Variants in FKBP5 observed in about 807,000 individuals in gnomAD.
The protein encoded by FKBP5 is FKBP prolyl isomerase 5, also known as peptidyl-prolyl cis-trans isomerase FKBP5.
FKBP5 carries 23 observed loss-of-function variants against 50.5 expected under a neutral mutation model. The ratio of observed to expected loss-of-function variants is 0.46; its 90% confidence interval spans 0.33 to 0.65. The LOEUF is 0.65. Among genes scored for constraint, FKBP5 ranks in the 30% least tolerant of loss-of-function variants. The pLI, the probability that FKBP5 is intolerant of heterozygous loss-of-function variation, is 0.02. For synonymous variants in FKBP5, 176 were observed against 190.6 expected (o/e 0.92, Z 0.63); for missense variants, 411 against 553.1 (o/e 0.74, Z 2.58).
At chr6:35,580,345 T>C (rs1762385810) in intron 8 of FKBP5, 124 bp from the exon 9 acceptor site, 3 of 772,176 alleles carry the variant, frequency 3.9e-6, no homozygotes, top group Non-Finnish European at 6.4e-6. Flanking sequence ...TCTTTCCTTC[T>C]GGAGATGGCT....
At chr6:35,682,785 G>A (rs1765704688) in intron 1 of FKBP5, among the ~76,000 whole-genome samples, 1 of 151,842 alleles carries the variant, frequency 6.6e-6, no homozygotes, top group Non-Finnish European at 1.5e-5. Context: ...GCTTGGGCCT[G>A]GGATCCCAGC....
rs767195179 is a variant in FKBP5 at position 35,661,770 on chromosome 6, CAA to C, written c.-19-18929_-19-18928del. 5.1e-4 allele frequency among the ~76,000 whole-genome samples: 17 copies of C among 33,278 alleles called. 2 individuals are homozygous for C. In the East Asian group the frequency reaches 6.2e-3, roughly 12 times the overall value. The allele number at this position is 33,278 out of a possible 152,430, so 21.8% of individuals were successfully genotyped here. A position where few individuals can be genotyped will look rare whatever the true frequency, so the allele number is the denominator to read the frequency against. ...GGGTGACAAGAGCAAAACTCCGTCT[CAA>C]AAAAAAAAAAAAAAAGAGTATGGCT... On this transcript the variant is annotated intron_variant, in intron 1 of 10. Transcript: ENST00000357266.
chr6:35,728,351 C>G (rs1766767446), intron 1 of FKBP5, among the ~76,000 whole-genome samples: 1 of 152,168 alleles, frequency 6.6e-6, no homozygotes, highest in African/African-American at 2.4e-5. Context: ...TTGCGCATCC[C>G]TCTGCCTTCT....
rs143605801 is a variant in FKBP5, at chr6:35,642,801, C to T, written c.24G>A (p.Lys8=). Residue 8 remains lysine (K), a synonymous_variant, in exon 2 of 11, where the codon AAG becomes AAA. Transcript: ENST00000357266. MTTDEGA[K]NNEESPTATV... is the part of the protein sequence containing the mutation. Reference sequence around the variant, plus strand: ...TGGCTGTGGGGCTTTCTTCATTGTTCTTGGCACCTTCATCAGTAGTCATTG... The same window carrying T: ...TGGCTGTGGGGCTTTCTTCATTGTTTTTGGCACCTTCATCAGTAGTCATTG... 60 of 1,613,734 alleles carry T rather than the reference C, an allele frequency of 3.7e-5. No individual in the cohort carries two copies. In the African/African-American group the frequency reaches 6.8e-4, roughly 18 times the overall value.
chr6:35,704,822 A>G (rs1249548702), intron 2 of FKBP5, among the ~76,000 whole-genome samples: 2 of 152,086 alleles, frequency 1.3e-5, no homozygotes, highest in Admixed American at 6.6e-5. Flanking sequence ...AGATGATAAC[A>G]TAGTACAAAA....
At chr6:35,580,516 ATTC>A (rs1034669046) in intron 8 of FKBP5, 6 of 165,798 alleles carry the variant, frequency 3.6e-5, no homozygotes, top group African/African-American at 6.0e-5. Flanking sequence ...TGGTGCTAAT[ATTC>A]TTTAGTCTTT....
intron 5 of FKBP5, among the ~76,000 whole-genome samples, chr6:35,599,135 A>G (rs1315206585): frequency 6.6e-6 from 1 of 152,158 alleles, no homozygotes; most frequent in South Asian, 2.1e-4. Flanking sequence ...CAACTTGTAG[A>G]GAGACTAAAA....
At chr6:35,686,071 C>T (rs1433264687) in intron 1 of FKBP5, among the ~76,000 whole-genome samples, 1 of 151,400 alleles carries the variant, frequency 6.6e-6, no homozygotes, top group East Asian at 1.9e-4. Flanking sequence ...AATGTAAGCC[C>T]TTGTTTTCTG....
intron 8 of FKBP5, chr6:35,583,199 C>CGAAAT: frequency 2.0e-6 from 2 of 985,366 alleles, no homozygotes; most frequent in Non-Finnish European, 2.4e-6. Flanking sequence ...ACAGGCATTT[C>CGAAAT]CCCTGTCATG....
chr6:35,603,608 T>C (rs1763212417), intron 5 of FKBP5, among the ~76,000 whole-genome samples: 1 of 148,274 alleles, frequency 6.7e-6, no homozygotes, highest in African/African-American at 2.5e-5. Flanking sequence ...TTTTTAATAC[T>C]ATTCTAAAAT....
upstream of FKBP5, among the ~76,000 whole-genome samples, chr6:35,690,271 C>T (rs1309381474): frequency 3.9e-5 from 6 of 152,204 alleles, no homozygotes; most frequent in African/African-American, 7.2e-5. Context: ...GAGTTCGAGA[C>T]GAGCCTGACC....
At chr6:35,605,486 C>T (rs1763284658) in intron 5 of FKBP5, among the ~76,000 whole-genome samples, 1 of 143,156 alleles carries the variant, frequency 7.0e-6, no homozygotes, top group Non-Finnish European at 1.5e-5. Flanking sequence ...GCCTGTATCA[C>T]CCAGGCTCAA....
At chr6:35,665,906 A>G (rs905260846) in intron 1 of FKBP5, among the ~76,000 whole-genome samples, 14 of 152,220 alleles carry the variant, frequency 9.2e-5, no homozygotes, top group Non-Finnish European at 1.5e-5. Flanking sequence ...CATTCAACAC[A>G]TTATAAAATA....
At chr6:35,720,199 T>A (rs987915424) in intron 2 of FKBP5, 20 of 152,342 alleles carry the variant, frequency 1.3e-4, no homozygotes, top group African/African-American at 4.1e-4. Context: ...GCATGTGTGG[T>A]GACAGGGCCT....
At chr6:35,673,400 A>G (rs1203334110) in intron 1 of FKBP5, among the ~76,000 whole-genome samples, 1 of 152,136 alleles carries the variant, frequency 6.6e-6, no homozygotes, top group Non-Finnish European at 1.5e-5. Context: ...AAATTTAAAA[A>G]TTAGCCAGGT....
At chr6:35,614,549 T>C (rs142754208) in intron 5 of FKBP5, among the ~76,000 whole-genome samples, 1 of 152,060 alleles carries the variant, frequency 6.6e-6, no homozygotes, top group Non-Finnish European at 1.5e-5. Flanking sequence ...GTTACCTCAG[T>C]TGGAAAGCAA....
intron 10 of FKBP5, among the ~76,000 whole-genome samples, chr6:35,576,400 G>T (rs1022354647): frequency 2.0e-5 from 3 of 152,184 alleles, no homozygotes; most frequent in African/African-American, 7.2e-5. Flanking sequence ...GGCTGGGCAT[G>T]GTGGCTCATG....
rs117925663 is a variant in FKBP5 at position 35,679,508 on chromosome 6, G to T, written c.-20+9296C>A. On this transcript the variant is annotated intron_variant, in intron 1 of 10. Coordinates refer to ENST00000357266, the MANE Select transcript of FKBP5 (RefSeq NM_004117.4). ...TATCAGACATCTGTCATTCTTCAAA[G>T]AATTATGTTTTTGTTGAAAAATATA... is the stretch of plus-strand genomic sequence containing the variant. Among the ~76,000 whole-genome samples, 97 of 152,228 alleles carry T rather than the reference G, an allele frequency of 6.4e-4. 1 individual carries two copies. In the East Asian group the frequency reaches 0.011, roughly 18 times the overall value.
chr6:35,673,762 T>C (rs943036423), intron 1 of FKBP5, among the ~76,000 whole-genome samples: 2 of 152,210 alleles, frequency 1.3e-5, no homozygotes, highest in Non-Finnish European at 2.9e-5. Context: ...TATTATCATA[T>C]AGTTCCTGGT....
Sources: allele counts gnomAD v4.1 joint callset (sites outside exome capture counted in the v4.1 genomes callset), GRCh38; gene constraint gnomAD v4.1.1; transcripts MANE v1.5; gene names NCBI Gene and HGNC (gene_info 2026-07-23, HGNC 2026-07-21).